The following DOCK6 variants were observed in gnomAD, a reference collection of about 807,000 sequenced individuals.
DOCK6 encodes the protein dedicator of cytokinesis 6.
A neutral mutation model predicts 230.3 loss-of-function variants in DOCK6; 167 were observed. The ratio of observed to expected loss-of-function variants is 0.73; its 90% CI spans 0.64 to 0.82. The LOEUF is 0.82. Ranked by LOEUF, DOCK6 falls within the 40% of genes least tolerant of loss-of-function variation. The probability of loss-of-function intolerance (pLI) is 0.00; values close to 1 mark genes in which losing one functional copy is unlikely to be tolerated. For missense variants in DOCK6, 2,598 were observed against 2,825.8 expected (o/e 0.92, Z 1.83); for synonymous variants, 1,148 against 1,185.0 (o/e 0.97, Z 0.64).
rs1279092711 is a variant in DOCK6, at chr19:11,243,207, C to A, written c.1386+51G>T. 3.1e-6 allele frequency: 5 copies of A among 1,613,332 alleles called. No homozygotes were observed. The South Asian group carries it at 5.5e-5, about 18-fold the overall frequency. On this transcript the variant is annotated intron_variant, in intron 12 of 47. Coordinates refer to ENST00000294618, the MANE Select transcript of DOCK6 (RefSeq NM_020812.4). This position sits in a 1 kb window ranked among gnomAD's most constrained non-coding sequence, Gnocchi z 6.3. ...GCCAGGGGGCTAGGGGTCCCCAGGG[C>A]TAATGCAGCCAGCGGGGAGTGGGAG...
At chr19:11,252,741 A>G in intron 3 of DOCK6, 42 bp downstream of exon 3, 1 of 1,596,260 alleles carries the variant, frequency 6.3e-7, no homozygotes, top group Non-Finnish European at 8.6e-7. Flanking sequence ...TGGCAGAGAC[A>G]GAGTGGAATC....
At chr19:11,228,059 G>C (rs1334180465) in intron 23 of DOCK6, among the ~76,000 whole-genome samples, 1 of 146,542 alleles carries the variant, frequency 6.8e-6, no homozygotes, top group Non-Finnish European at 1.5e-5. Context: ...CACCCAGGCT[G>C]GTGTGCAGTG....
Position 11,217,462 on chromosome 19 carries a change from A to C in DOCK6, c.3551-71T>G, listed in dbSNP as rs2079511047. On this transcript the variant is annotated intron_variant, in intron 28 of 47. Transcript: ENST00000294618. ...TGCTGTCCCTGTCTCAAATTTCAGA[A>C]GTCTTCCCTCATGGCCAGGCACAGT... The C allele has an allele frequency of 1.3e-5, 20 of 1,549,726 alleles. No individual in the cohort carries two copies. In the East Asian group the frequency reaches 4.8e-4, roughly 37 times the overall value.
rs533515146 is a variant in DOCK6, at chr19:11,208,599, C to G, written c.5088+87G>C. Reference sequence around the variant, plus strand: ...CAGCCTATTCTCCTTCTTTCTAAATCCCCTGCTGGAAGGGTCTAGGAAGCA... The same window carrying G: ...CAGCCTATTCTCCTTCTTTCTAAATGCCCTGCTGGAAGGGTCTAGGAAGCA... On this transcript the variant is annotated intron_variant, in intron 39 of 47. Transcript: ENST00000294618. The G allele has an allele frequency of 2.6e-5, 40 of 1,513,116 alleles. No homozygotes were observed. In the South Asian group the frequency reaches 5.1e-4, roughly 19 times the overall value. 93.7% of individuals were successfully genotyped at this position (1,513,116 alleles called of 1,614,324 possible). A position where few individuals can be genotyped will look rare whatever the true frequency, so the allele number is the denominator to read the frequency against.
chr19:11,228,858 G>A (rs2079716015), intron 23 of DOCK6, 82 bp downstream of exon 23: 19 of 1,388,730 alleles, frequency 1.4e-5, no homozygotes, highest in Middle Eastern at 3.7e-4. Context: ...CACTATGCCT[G>A]GCCAGGGGGC....
Position 11,200,189 on chromosome 19 carries a change from C to A in DOCK6, c.6101+119G>T. 2 of 1,099,298 alleles carry A rather than the reference C, an allele frequency of 1.8e-6. No individual in the cohort carries two copies. Among genetic ancestry groups the A allele is most frequent in the Non-Finnish European group, 2.5e-6 (2 of 798,160 alleles). The allele number at this position is 1,099,298 out of a possible 1,614,324, so 68.1% of individuals were successfully genotyped here. On this transcript the variant is annotated intron_variant, in intron 47 of 47. Transcript: ENST00000294618. This position sits in a 1 kb window ranked among gnomAD's most constrained non-coding sequence, Gnocchi z 4.3. ...AAAAAAACCGGAAACAAAACAAAGT[C>A]CAAGCTACCAGCAAACATGTTGCTG...
chr19:11,236,896 C>T lies in DOCK6; in HGVS notation c.2074-17G>A. 1 of 1,549,196 alleles carries T rather than the reference C, an allele frequency of 6.5e-7. No homozygotes were observed. The highest frequency in any genetic ancestry group is 8.7e-7 in the Non-Finnish European group (1 of 1,146,422). ...AAGCGCCACCTGTGGGAGGGAGGCA[C>T]CAGGTGGGCACTGGTCAGCCCTCCC... On this transcript the variant is annotated splice_polypyrimidine_tract_variant and intron_variant, in intron 18 of 47. Coordinates refer to ENST00000294618, the MANE Select transcript of DOCK6 (RefSeq NM_020812.4). The surrounding 1 kb of genome is among the most constrained non-coding windows in gnomAD (Gnocchi z 5.2).
intron 47 of DOCK6, among the ~76,000 whole-genome samples, chr19:11,199,920 G>A (rs1031506184): frequency 6.6e-6 from 1 of 152,162 alleles, no homozygotes; most frequent in Admixed American, 6.6e-5. Flanking sequence ...AGGGCAAAGC[G>A]GATGGATCAC....
chr19:11,217,884 C>T (rs2079519319), intron 28 of DOCK6, among the ~76,000 whole-genome samples: 2 of 151,776 alleles, frequency 1.3e-5, no homozygotes, highest in South Asian at 4.2e-4. Flanking sequence ...CGGAGTCTTG[C>T]TCTGTTGCCC....
At chr19:11,245,778 G>A in intron 8 of DOCK6, 34 bp downstream of exon 8, 1 of 1,595,202 alleles carries the variant, frequency 6.3e-7, no homozygotes, top group Non-Finnish European at 8.5e-7. Flanking sequence ...ACAAGGAGAA[G>A]GAAGGGGAGG....
rs765581399 is a variant in DOCK6, at chr19:11,213,237, A to G, written c.4430T>C (p.Ile1477Thr). 6.2e-7 allele frequency: 1 copy of G among 1,613,118 alleles called. No homozygotes were observed. The highest frequency in any genetic ancestry group is 8.5e-7 in the Non-Finnish European group (1 of 1,179,870). Residue 1477 changes from isoleucine to threonine, a missense_variant, in exon 35 of 48, where the codon ATC becomes ACC. By Grantham distance (89) the Ile-to-Thr change is moderately conservative. Coordinates refer to ENST00000294618, the MANE Select transcript of DOCK6 (RefSeq NM_020812.4). Reference sequence around the variant, plus strand: ...CAGCGAGGCGCTGGCGTGCGTGCGGATGGTGCTGATGCGGCTGCCACAGTG... The same window carrying G: ...CAGCGAGGCGCTGGCGTGCGTGCGGGTGGTGCTGATGCGGCTGCCACAGTG... ...LRHCGSRIST[I>T]RTHASASLYL...
Position 11,217,019 on chromosome 19 carries a change from G to A in DOCK6, c.3789C>T (p.Asn1263=). 1 of 1,613,652 alleles carries A rather than the reference G, an allele frequency of 6.2e-7. No homozygotes were observed. Among genetic ancestry groups the A allele is most frequent in the Non-Finnish European group, 8.5e-7 (1 of 1,179,896 alleles). Reference sequence around the variant, plus strand: ...AGCGCTGCAGGAGCGCCGGCTCGGTGTTTTTCAGCACCCACAGCACACACG... The same window carrying A: ...AGCGCTGCAGGAGCGCCGGCTCGGTATTTTTCAGCACCCACAGCACACACG... ...LLACVLWVLK[N]TEPALLQRWA... Residue 1263 remains asparagine (N), a synonymous_variant, in exon 30 of 48, where the codon AAC becomes AAT. Transcript: ENST00000294618.
chr19:11,201,834 G>A lies in DOCK6; in HGVS notation c.5688+55C>T, dbSNP rs1436795573. The A allele has an allele frequency of 3.1e-6, 3 of 954,378 alleles. No homozygotes were observed. The highest frequency in any genetic ancestry group is 2.3e-5 in the Admixed American group (1 of 43,908). The allele number at this position is 954,378 out of a possible 1,614,324, so 59.1% of individuals were successfully genotyped here. A position where few individuals can be genotyped will look rare whatever the true frequency, so the allele number is the denominator to read the frequency against. On this transcript the variant is annotated intron_variant, in intron 44 of 47. Transcript: ENST00000294618. The surrounding 1 kb of genome is among the most constrained non-coding windows in gnomAD (Gnocchi z 4.3). ...GTGTCTACCCTCCCCTCCCCTCCCA[G>A]GGTCTGATGTCCCCTCACCTCCCCA...
intron 1 of DOCK6, among the ~76,000 whole-genome samples, chr19:11,259,825 C>T (rs1188766673): frequency 4.0e-5 from 6 of 150,868 alleles, no homozygotes; most frequent in Non-Finnish European, 7.4e-5. Flanking sequence ...TCAGGTGATC[C>T]ACCTGCCTCG....
intron 35 of DOCK6, 26 bp downstream of exon 35, chr19:11,213,150 G>C (rs1343409527): frequency 1.2e-6 from 2 of 1,603,592 alleles, no homozygotes; most frequent in Non-Finnish European, 1.7e-6. Context: ...GCCATGTGTG[G>C]ACCATGCCTC....
Position 11,250,729 on chromosome 19 carries a change from A to T in DOCK6, c.720+145T>A, listed in dbSNP as rs189097869. The T allele has an allele frequency of 5.9e-4, 459 of 772,366 alleles. 1 individual carries two copies. The African/African-American group carries it at 6.9e-3, about 12-fold the overall frequency. 47.8% of individuals were successfully genotyped at this position (772,366 alleles called of 1,614,324 possible). A position where few individuals can be genotyped will look rare whatever the true frequency, so the allele number is the denominator to read the frequency against. ...AAGCTATTGAATAAACATAGGATATACAGTAGGTGCCCAATAAACACTGAT... is the reference window on the plus strand; with the variant it reads ...AAGCTATTGAATAAACATAGGATATTCAGTAGGTGCCCAATAAACACTGAT... On this transcript the variant is annotated intron_variant, in intron 6 of 47. Coordinates refer to ENST00000294618, the MANE Select transcript of DOCK6 (RefSeq NM_020812.4).
At chr19:11,258,224 C>G (rs2080227185) in intron 1 of DOCK6, among the ~76,000 whole-genome samples, 4 of 152,102 alleles carry the variant, frequency 2.6e-5, no homozygotes, top group African/African-American at 9.7e-5. Flanking sequence ...GCTGAGTGAA[C>G]AAAGTTGGGC....
intron 6 of DOCK6, among the ~76,000 whole-genome samples, chr19:11,249,874 G>T (rs1331266718): frequency 3.6e-5 from 5 of 140,650 alleles, no homozygotes; most frequent in Non-Finnish European, 6.2e-5. Context: ...GTCCAGCCTG[G>T]GCGACAAGAG....
intron 16 of DOCK6, 70 bp from the exon 17 acceptor site, chr19:11,237,849 T>C (rs1418731776): frequency 8.7e-6 from 13 of 1,494,164 alleles, no homozygotes; most frequent in African/African-American, 1.4e-5. Flanking sequence ...ACCTCTGCCA[T>C]GCCACGCCCT....
Sources: allele counts gnomAD v4.1 joint callset (sites outside exome capture counted in the v4.1 genomes callset), GRCh38; gene constraint gnomAD v4.1.1; non-coding constraint Gnocchi (gnomAD v3.1); transcripts MANE v1.5; gene names NCBI Gene and HGNC (gene_info 2026-07-23, HGNC 2026-07-21).